PTPN20: variants seen among roughly 807,000 people sequenced by gnomAD.
PTPN20 encodes the protein protein tyrosine phosphatase non-receptor type 20, also known as tyrosine-protein phosphatase non-receptor type 20.
PTPN20 carries 9 observed loss-of-function variants against 35.0 expected under a neutral mutation model. The ratio of observed to expected loss-of-function variants is 0.26; its 90% confidence interval spans 0.15 to 0.45. The LOEUF (loss-of-function observed/expected upper bound fraction) is 0.45, where lower values mean the gene tolerates loss of function less well. PTPN20 is among the 20% of genes least tolerant of loss of function. PTPN20 has a pLI of 1.00. For missense variants in PTPN20, 111 were observed against 312.5 expected (o/e 0.36, Z 4.86); for synonymous variants, 32 against 100.2 (o/e 0.32, Z 4.06).
intron 9 of PTPN20, among the ~76,000 whole-genome samples, chr10:46,993,014 T>C (rs2058289266): frequency 6.6e-6 from 1 of 152,224 alleles, no homozygotes; most frequent in Non-Finnish European, 1.5e-5. Context: ...TATTTATTAA[T>C]ACTTGTGGCT....
rs991457432 is a variant in PTPN20 at position 47,000,535 on chromosome 10, G to A, written c.1198-141G>A. The stretch of plus-strand genomic sequence containing the variant: ...AGTTTTAAAAATGTATTCACGTAAA[G>A]TTCTTAAGTGTTTATAGTTAAATGT... On this transcript the variant is annotated intron_variant, in intron 10 of 10. Transcript: ENST00000374339. 5.7e-6 allele frequency: 5 copies of A among 881,224 alleles called. No homozygotes were observed. In the African/African-American group the frequency reaches 8.5e-5, roughly 15 times the overall value. The allele number at this position is 881,224 out of a possible 1,614,324, so 54.6% of individuals were successfully genotyped here.
chr10:46,932,179 G>A lies in PTPN20; in HGVS notation c.-123-198G>A, dbSNP rs1555119955. 5.9e-4 allele frequency among the ~76,000 whole-genome samples: 90 copies of A among 151,784 alleles called. 1 individual carries two copies. The highest frequency in any genetic ancestry group is 1.5e-5 in the Non-Finnish European group (1 of 68,012). ...CAAGGTATAGCATATTTAAGCTCTG[G>A]TATTTGAATAAATAAGCGTATCTCC... is the stretch of plus-strand genomic sequence containing the variant. On this transcript the variant is annotated intron_variant, in intron 1 of 10. Coordinates refer to ENST00000374339, the MANE Select transcript of PTPN20 (RefSeq NM_001042357.5).
At chr10:46,959,569 C>T in intron 5 of PTPN20, among the ~76,000 whole-genome samples, 1 of 142,190 alleles carries the variant, frequency 7.0e-6, no homozygotes. Context: ...TTTTTTGTTC[C>T]TCATTTTTTT....
intron 7 of PTPN20, among the ~76,000 whole-genome samples, chr10:46,972,363 C>A (rs2052458654): frequency 6.6e-6 from 1 of 151,156 alleles, no homozygotes; most frequent in Non-Finnish European, 1.5e-5. Flanking sequence ...TAGGAAAATG[C>A]AAATTAAAAC....
intron 5 of PTPN20, among the ~76,000 whole-genome samples, chr10:46,948,107 A>C (rs2045547154): frequency 6.6e-6 from 1 of 151,986 alleles, no homozygotes; most frequent in Non-Finnish European, 1.5e-5. Context: ...ATTTCTGTCA[A>C]CCTTTCTTCA....
At position 46,941,567 on chromosome 10, in the gene PTPN20, A is replaced by G. The variant is rs1353381142; in HGVS notation, c.129+850A>G. On this transcript the variant is annotated intron_variant, in intron 3 of 10. Coordinates refer to ENST00000374339, the MANE Select transcript of PTPN20 (RefSeq NM_001042357.5). ...GAATGGTTTTCTCTTTGAAGCAGAG[A>G]CGATTTGAAAGGGAGCACCTTCACA... is the stretch of plus-strand genomic sequence containing the variant. Among the ~76,000 whole-genome samples, 3 of 122,786 alleles carry G rather than the reference A, an allele frequency of 2.4e-5. No homozygotes were observed. The East Asian group carries it at 8.1e-4, about 33-fold the overall frequency. The allele number at this position is 122,786 out of a possible 152,430, so 80.6% of individuals were successfully genotyped here.
chr10:46,936,180 C>A (rs1271799899), intron 2 of PTPN20, among the ~76,000 whole-genome samples: 1 of 151,940 alleles, frequency 6.6e-6, no homozygotes, highest in African/African-American at 2.4e-5. Flanking sequence ...TTTATAAGTT[C>A]ATTATAAGTT....
rs1427901370 is a variant in PTPN20, at chr10:46,952,729, T to C, written c.340+6054T>C. 9.2e-5 allele frequency among the ~76,000 whole-genome samples: 14 copies of C among 151,784 alleles called. 1 individual carries two copies. The highest frequency in any genetic ancestry group is 3.4e-4 in the African/African-American group (14 of 41,114). ...TAGTTCTGCCTAAATTGGGTGGTTCTAGTTTTCTGTTTACTTAATCACCTT... is the reference window on the plus strand; with the variant it reads ...TAGTTCTGCCTAAATTGGGTGGTTCCAGTTTTCTGTTTACTTAATCACCTT... On this transcript the variant is annotated intron_variant, in intron 5 of 10. Transcript: ENST00000374339.
Position 46,938,042 on chromosome 10 carries a change from C to G in PTPN20, c.35-2581C>G, listed in dbSNP as rs2042310825. 2.0e-5 allele frequency among the ~76,000 whole-genome samples: 3 copies of G among 151,696 alleles called. No individual in the cohort carries two copies. In the South Asian group the frequency reaches 6.2e-4, roughly 32 times the overall value. On this transcript the variant is annotated intron_variant, in intron 2 of 10. Transcript: ENST00000374339. ...TTGGCTCACTGCAACCTTCTGCCTC[C>G]TGGGTTCAAGTGATTCTCCTGCCTC... is the stretch of plus-strand genomic sequence containing the variant.
At chr10:46,923,225 C>A (rs2035971676) in intron 1 of PTPN20, among the ~76,000 whole-genome samples, 1 of 144,016 alleles carries the variant, frequency 6.9e-6, no homozygotes, top group African/African-American at 2.9e-5. Flanking sequence ...TCCCCTAGAG[C>A]CTTCAGATAG....
chr10:46,966,357 T>C (rs1555160170), intron 6 of PTPN20, among the ~76,000 whole-genome samples: 1 of 152,214 alleles, frequency 6.6e-6, no homozygotes, highest in East Asian at 1.9e-4. Context: ...ATAGCTGATT[T>C]TTAGTGGTCA....
intron 5 of PTPN20, among the ~76,000 whole-genome samples, chr10:46,947,497 C>A (rs1245501500): frequency 5.3e-5 from 8 of 149,704 alleles, no homozygotes; most frequent in African/African-American, 1.5e-4. Context: ...TTAATTAAAA[C>A]ATGCTTAATT....
At chr10:46,959,039 T>A (rs1367439383) in intron 5 of PTPN20, among the ~76,000 whole-genome samples, 2,853 of 144,922 alleles carry the variant, frequency 0.02, 47 homozygotes, top group African/African-American at 0.058. Context: ...CTTTGTTTAT[T>A]ATATTGTTCA....
chr10:46,975,806 C>A (rs2053380079), intron 7 of PTPN20, among the ~76,000 whole-genome samples: 1 of 151,836 alleles, frequency 6.6e-6, no homozygotes, highest in South Asian at 2.1e-4. Flanking sequence ...GGATTACAGG[C>A]ATGTGCCACC....
At position 47,001,148 on chromosome 10, in the gene PTPN20, C is replaced by A. The variant is rs903401676; in HGVS notation, c.*407C>A. The A allele has an allele frequency of 2.9e-5, 7 of 242,882 alleles. No homozygotes were observed. The highest frequency in any genetic ancestry group is 3.2e-5 in the Non-Finnish European group (4 of 124,980). 15.0% of individuals were successfully genotyped at this position (242,882 alleles called of 1,614,324 possible). On this transcript the variant is annotated 3_prime_UTR_variant, in exon 11 of 11. Coordinates refer to ENST00000374339, the MANE Select transcript of PTPN20 (RefSeq NM_001042357.5). ...GTTCTTATTCTGGGAGAACATAAGG[C>A]CAATAATCATGACCTCTTCCAGGCA...
Position 46,941,638 on chromosome 10 carries a change from ACTT to A in PTPN20, c.129+927_129+929del, listed in dbSNP as rs1196363873. Among the ~76,000 whole-genome samples, 12 of 147,254 alleles carry A rather than the reference ACTT, an allele frequency of 8.1e-5. 1 individual carries two copies. Among genetic ancestry groups the A allele is most frequent in the African/African-American group, 3.1e-4 (12 of 38,732 alleles). ...TTATATAGTCTTATAGTCTTATTTG[ACTT>A]CTTCTAGAACTGAGCACATTTTGTG... On this transcript the variant is annotated intron_variant, in intron 3 of 10. Coordinates refer to ENST00000374339, the MANE Select transcript of PTPN20 (RefSeq NM_001042357.5).
intron 4 of PTPN20, among the ~76,000 whole-genome samples, chr10:46,944,697 C>T (rs1418134298): frequency 7.3e-6 from 1 of 137,250 alleles, no homozygotes; most frequent in East Asian, 2.1e-4. Context: ...GTACAATTTT[C>T]AGAAGTGCAT....
At chr10:46,994,338 T>C (rs2058615257) in intron 9 of PTPN20, among the ~76,000 whole-genome samples, 1 of 140,200 alleles carries the variant, frequency 7.1e-6, no homozygotes, top group African/African-American at 2.7e-5. Context: ...TTTTTTTTTT[T>C]TTTTTTTTGA....
At chr10:46,921,045 C>T (rs1227826247) in intron 1 of PTPN20, 11 of 124,314 alleles carry the variant, frequency 8.8e-5, no homozygotes, top group African/African-American at 2.7e-4. Flanking sequence ...ACAACACTTC[C>T]GCAGTTCTGC....
Sources: gnomAD v4.1 joint callset for allele counts (sites outside exome capture counted in the v4.1 genomes callset) on GRCh38, gnomAD v4.1.1 for gene constraint, MANE v1.5 for transcripts, NCBI Gene and HGNC (gene_info 2026-07-23, HGNC 2026-07-21) for gene names.